Variants in DPP10 observed in about 807,000 individuals in gnomAD.
DPP10 encodes the protein dipeptidyl peptidase like 10, also known as inactive dipeptidyl peptidase 10.
Under a neutral mutation model 120.9 loss-of-function variants are expected in DPP10, and 33 were observed. That is an observed-to-expected ratio of 0.27 (90% CI 0.21 to 0.37). The LOEUF (loss-of-function observed/expected upper bound fraction) is 0.37, where lower values mean the gene tolerates loss of function less well. Among genes scored for constraint, DPP10 ranks in the 10% least tolerant of loss-of-function variants. The pLI, the probability that DPP10 is intolerant of heterozygous loss-of-function variation, is 1.00. For synonymous variants in DPP10, 337 were observed against 326.1 expected (o/e 1.03, Z -0.36); for missense variants, 816 against 942.8 (o/e 0.87, Z 1.76).
chr2:115,809,199 A>G (rs1686357004), intron 19 of DPP10, among the ~76,000 whole-genome samples: 1 of 152,230 alleles, frequency 6.6e-6, no homozygotes, highest in Admixed American at 6.5e-5. Flanking sequence ...AAATTTAAAA[A>G]TAATAAAGAG....
rs545611225 is a variant in DPP10, at chr2:115,792,388, G to T, written c.1700+1032G>T. Among the ~76,000 whole-genome samples the T allele has an allele frequency of 1.6e-4, 24 of 151,994 alleles. No homozygotes were observed. In the East Asian group the frequency reaches 4.3e-3, roughly 27 times the overall value. On this transcript the variant is annotated intron_variant, in intron 19 of 25. Transcript: ENST00000410059. ...GTATAGACTGCATTTATTTTATTTA[G>T]ATATTTTAATATATACAAGCAATTT...
intron 3 of DPP10, among the ~76,000 whole-genome samples, chr2:115,363,943 A>T (rs969162801): frequency 1.3e-5 from 2 of 152,158 alleles, no homozygotes; most frequent in Non-Finnish European, 2.9e-5. Context: ...GAAATGGAGC[A>T]GAGAGAGCTC....
At chr2:115,502,854 C>T (rs184103814) in intron 4 of DPP10, among the ~76,000 whole-genome samples, 194 of 126,248 alleles carry the variant, frequency 1.5e-3, no homozygotes, top group Middle Eastern at 8.0e-3. Context: ...CCACCAGGCT[C>T]GGCTAATTTT....
At chr2:115,220,438 A>G (rs1304168832) in intron 1 of DPP10, among the ~76,000 whole-genome samples, 1 of 152,124 alleles carries the variant, frequency 6.6e-6, no homozygotes, top group Admixed American at 6.5e-5. Context: ...CAGGGTCAGC[A>G]TGGTGTCTCA....
chr2:115,018,339 C>A (rs932200345), intron 1 of DPP10, among the ~76,000 whole-genome samples: 3 of 152,036 alleles, frequency 2.0e-5, no homozygotes, highest in African/African-American at 7.2e-5. Context: ...ACCATTTGAC[C>A]CAGCAATCCC....
intron 3 of DPP10, among the ~76,000 whole-genome samples, chr2:115,356,123 T>C (rs1255106121): frequency 6.6e-6 from 1 of 151,194 alleles, no homozygotes; most frequent in Non-Finnish European, 1.5e-5. Flanking sequence ...GGGAATAGCA[T>C]TGAATCTATA....
intron 1 of DPP10, among the ~76,000 whole-genome samples, chr2:115,064,133 CTTCT>C (rs1245689327): frequency 9.2e-5 from 14 of 152,052 alleles, no homozygotes; most frequent in Admixed American, 7.2e-4. Context: ...TTTGTTTTCT[CTTCT>C]TTCTTTTTTT....
chr2:114,927,238 GA>G (rs1448755039), intron 1 of DPP10, among the ~76,000 whole-genome samples: 3 of 152,114 alleles, frequency 2.0e-5, no homozygotes, highest in South Asian at 4.2e-4. Context: ...AGCAGCCCTG[GA>G]AACCAGAGCT....
At chr2:115,173,086 ATT>A (rs2053468541) in intron 1 of DPP10, among the ~76,000 whole-genome samples, 1 of 152,132 alleles carries the variant, frequency 6.6e-6, no homozygotes, top group South Asian at 2.1e-4. Context: ...ACTTTTCTGA[ATT>A]TGTTTTTTTT....
intron 4 of DPP10, among the ~76,000 whole-genome samples, chr2:115,518,212 G>A (rs529801779): frequency 3.3e-4 from 50 of 152,224 alleles, no homozygotes; most frequent in South Asian, 1.9e-3. Context: ...ATCAAATTTC[G>A]ATATGAGGTT....
intron 7 of DPP10, among the ~76,000 whole-genome samples, chr2:115,722,133 C>G (rs916422957): frequency 2.6e-5 from 4 of 151,992 alleles, no homozygotes; most frequent in African/African-American, 4.8e-5. Flanking sequence ...TCAACCGACA[C>G]AGAATTTCAG....
intron 3 of DPP10, among the ~76,000 whole-genome samples, chr2:115,469,250 G>A (rs1334645001): frequency 6.6e-6 from 1 of 152,162 alleles, no homozygotes; most frequent in Admixed American, 6.5e-5. Flanking sequence ...AAGCTATTTA[G>A]AAGGGCATGA....
chr2:115,365,677 G>A (rs1381325555), intron 3 of DPP10, among the ~76,000 whole-genome samples: 1 of 151,920 alleles, frequency 6.6e-6, no homozygotes, highest in African/African-American at 2.4e-5. Context: ...TTGCCATAAG[G>A]TATTTAAGAT....
chr2:114,982,006 C>A (rs906146596), intron 1 of DPP10, among the ~76,000 whole-genome samples: 3 of 151,282 alleles, frequency 2.0e-5, no homozygotes, highest in African/African-American at 7.3e-5. Flanking sequence ...GTGATCCTCC[C>A]ACCTCAGCCT....
intron 5 of DPP10, among the ~76,000 whole-genome samples, chr2:115,598,241 C>T (rs1233603209): frequency 1.3e-5 from 2 of 151,476 alleles, no homozygotes; most frequent in African/African-American, 4.8e-5. Context: ...GTGCTTAGCC[C>T]ATAAACATTT....
intron 4 of DPP10, among the ~76,000 whole-genome samples, chr2:115,520,634 G>C (rs1419452450): frequency 6.6e-6 from 1 of 152,096 alleles, no homozygotes; most frequent in Non-Finnish European, 1.5e-5. Flanking sequence ...GTTTCTCAAT[G>C]TTAAGGCAAC....
chr2:115,401,596 A>G (rs1477991832), intron 3 of DPP10, among the ~76,000 whole-genome samples: 1 of 152,116 alleles, frequency 6.6e-6, no homozygotes, highest in Non-Finnish European at 1.5e-5. Flanking sequence ...AAATAAATGA[A>G]TAGATAAATA....
intron 1 of DPP10, among the ~76,000 whole-genome samples, chr2:115,179,842 G>A (rs1327583666): frequency 6.6e-6 from 1 of 152,034 alleles, no homozygotes; most frequent in African/African-American, 2.4e-5. Context: ...TTATTGATCC[G>A]TAAGGATGAC....
At chr2:115,489,713 A>G (rs1433206872) in intron 3 of DPP10, among the ~76,000 whole-genome samples, 4 of 151,980 alleles carry the variant, frequency 2.6e-5, no homozygotes, top group Admixed American at 1.3e-4. Context: ...TTACCCCAAA[A>G]TATATTTTTT....
Sources: allele counts gnomAD v4.1 joint callset (sites outside exome capture counted in the v4.1 genomes callset), GRCh38; gene constraint gnomAD v4.1.1; transcripts MANE v1.5; gene names NCBI Gene and HGNC (gene_info 2026-07-23, HGNC 2026-07-21).